ZNF354A: variants seen among roughly 807,000 people sequenced by gnomAD.
ZNF354A encodes the protein zinc finger protein 354A, also known as epididymis luminal protein 104.
A neutral mutation model predicts 53.3 loss-of-function variants in ZNF354A; 25 were observed. The ratio of observed to expected loss-of-function variants is 0.47; its 90% CI spans 0.34 to 0.66. The LOEUF (loss-of-function observed/expected upper bound fraction) is 0.66, where lower values mean the gene tolerates loss of function less well. Among genes scored for constraint, ZNF354A ranks in the 30% least tolerant of loss-of-function variants. The pLI is 0.01. For missense variants in ZNF354A, 586 were observed against 716.8 expected (o/e 0.82, Z 2.08); for synonymous variants, 228 against 249.0 (o/e 0.92, Z 0.79).
In ZNF354A at chr5:178,730,637, C is replaced by T. The variant is rs980374778; in HGVS notation, c.-133G>A. On this transcript the variant is annotated 5_prime_UTR_variant, in exon 1 of 5. Coordinates refer to ENST00000335815, the MANE Select transcript of ZNF354A (RefSeq NM_005649.3). ...GCCGGCCGGGATGCAGCCTCGCGAC[C>T]CGGCTCCGCCCCGACGGCGTCTGGG... The T allele has an allele frequency of 1.3e-5, 2 of 151,910 alleles. No homozygotes were observed. The highest frequency in any genetic ancestry group is 2.9e-5 in the Non-Finnish European group (2 of 67,966). 9.4% of individuals were successfully genotyped at this position (151,910 alleles called of 1,614,324 possible).
rs552808496 is a variant in ZNF354A at position 178,730,116 on chromosome 5, C to A, written c.-52+440G>T. On this transcript the variant is annotated intron_variant, in intron 1 of 4. Transcript: ENST00000335815. ...TCCTGACCTCGTGATCCACCCGCTT[C>A]GGCCTCCCAAAGTGCTGGGATTACA... Among the ~76,000 whole-genome samples, 4 of 151,656 alleles carry A rather than the reference C, an allele frequency of 2.6e-5. No homozygotes were observed. In the East Asian group the frequency reaches 7.9e-4, roughly 30 times the overall value.
chr5:178,722,060 T>C (rs1019099294), intron 4 of ZNF354A, among the ~76,000 whole-genome samples: 1 of 152,198 alleles, frequency 6.6e-6, no homozygotes, highest in East Asian at 1.9e-4. Context: ...TTGCCTCCAA[T>C]GTCACCTGCC....
intron 1 of ZNF354A, among the ~76,000 whole-genome samples, chr5:178,729,556 CTTT>C (rs113489869): frequency 2.7e-5 from 4 of 146,588 alleles, no homozygotes; most frequent in African/African-American, 5.0e-5. Context: ...CGGAAAACGG[CTTT>C]TTTTTTTTTG....
Position 178,725,358 on chromosome 5 carries a change from C to G in ZNF354A, c.256+18G>C. 1 of 1,612,136 alleles carries G rather than the reference C, an allele frequency of 6.2e-7. No individual in the cohort carries two copies. Among genetic ancestry groups the G allele is most frequent in the Non-Finnish European group, 8.5e-7 (1 of 1,179,074 alleles). On this transcript the variant is annotated intron_variant, in intron 4 of 4. Coordinates refer to ENST00000335815, the MANE Select transcript of ZNF354A (RefSeq NM_005649.3). ...ACCATTGTCTGCGGCCATTCCGCAC[C>G]TCGGGCCACCCACTTACCTAGAGAG...
Position 178,730,539 on chromosome 5 carries a change from C to T in ZNF354A, c.-52+17G>A, listed in dbSNP as rs77100497. 36,685 of 151,786 alleles carry T rather than the reference C, an allele frequency of 0.24. 5,121 individuals are homozygous for T. Among genetic ancestry groups the T allele is most frequent in the South Asian group, 0.35 (1,663 of 4,818 alleles). The allele number at this position is 151,786 out of a possible 1,614,324, so 9.4% of individuals were successfully genotyped here. On this transcript the variant is annotated intron_variant, in intron 1 of 4. Coordinates refer to ENST00000335815, the MANE Select transcript of ZNF354A (RefSeq NM_005649.3). Reference sequence around the variant, plus strand: ...GGGCGCCGCCTCCTACCGGCTTGGCCTGCCGCCGACGCTCACCTCCCTAAG... The same window carrying T: ...GGGCGCCGCCTCCTACCGGCTTGGCTTGCCGCCGACGCTCACCTCCCTAAG...
intron 4 of ZNF354A, among the ~76,000 whole-genome samples, chr5:178,723,996 T>C (rs536635518): frequency 6.6e-6 from 1 of 152,078 alleles, no homozygotes; most frequent in Non-Finnish European, 1.5e-5. Context: ...ATGGGCTCCC[T>C]GACCTCCCTT....
intron 4 of ZNF354A, among the ~76,000 whole-genome samples, chr5:178,720,141 CTT>C (rs1485526102): frequency 4.6e-5 from 7 of 152,074 alleles, no homozygotes; most frequent in Non-Finnish European, 8.8e-5. Flanking sequence ...TGTGGTAACT[CTT>C]ATTTTTAAAG....
intron 4 of ZNF354A, among the ~76,000 whole-genome samples, chr5:178,724,310 C>T (rs188127036): frequency 3.1e-4 from 47 of 151,898 alleles, no homozygotes; most frequent in Admixed American, 4.6e-4. Context: ...CTGCAACCTC[C>T]GCCTCCCGGG....
chr5:178,726,233 C>T (rs533528644), intron 3 of ZNF354A: 1 of 454,764 alleles, frequency 2.2e-6, no homozygotes, highest in Admixed American at 2.4e-5. Context: ...TGGCCCTGTG[C>T]AAAGAATGGT....
chr5:178,713,750 T>C, intron 4 of ZNF354A, 129 bp from the exon 5 acceptor site: 2 of 1,195,108 alleles, frequency 1.7e-6, no homozygotes, highest in Non-Finnish European at 2.2e-6. Context: ...ATGAAAAAAA[T>C]TGCAAAAAGA....
At chr5:178,715,247 G>T (rs1361660967) in intron 4 of ZNF354A, among the ~76,000 whole-genome samples, 3 of 152,212 alleles carry the variant, frequency 2.0e-5, no homozygotes, top group African/African-American at 7.2e-5. Context: ...ATTCCTGTAT[G>T]ACAGTCACTT....
chr5:178,721,963 T>C lies in ZNF354A; in HGVS notation c.256+3413A>G, dbSNP rs185636645. On this transcript the variant is annotated intron_variant, in intron 4 of 4. Transcript: ENST00000335815. ...TCCCTCAGCCCCCTCATCTAATCAA[T>C]TACCAAGACCTGTTTATTCTGCCAT... Among the ~76,000 whole-genome samples, 38 of 152,298 alleles carry C rather than the reference T, an allele frequency of 2.5e-4. No individual in the cohort carries two copies. In the East Asian group the frequency reaches 5.6e-3, roughly 22 times the overall value.
chr5:178,712,337 C>A lies in ZNF354A; in HGVS notation c.1541G>T (p.Arg514Ile). The change falls in exon 5 of 5, where the codon AGA (arginine) becomes ATA (isoleucine). Residue 514 changes from arginine (R) to isoleucine (I), a missense_variant. Around this residue, in one of 2 missense-constraint regions of ZNF354A, gnomAD observed 573 missense variants for 680.1 expected, o/e 0.84. Transcript: ENST00000335815. ...RCNSSLSNHQ[R>I]IHTGEKPYRC... The stretch of plus-strand genomic sequence containing the variant: ...ATATGGTTTCTCTCCAGTATGAATT[C>A]TCTGGTGATTACTAAGTGATGAGTT... The A allele has an allele frequency of 6.2e-7, 1 of 1,614,086 alleles. No individual in the cohort carries two copies. Among genetic ancestry groups the A allele is most frequent in the Non-Finnish European group, 8.5e-7 (1 of 1,179,990 alleles).
chr5:178,727,132 G>C lies in ZNF354A; in HGVS notation c.34-7C>G, dbSNP rs752372328. The C allele has an allele frequency of 6.2e-7, 1 of 1,610,698 alleles. No individual in the cohort carries two copies. The highest frequency in any genetic ancestry group is 1.1e-5 in the South Asian group (1 of 90,494). ...CCTCAAACGTCAGTGACACCTGTAA[G>C]GACAAGTCGTTCCAGCTCACCCAGG... On this transcript the variant is annotated splice_polypyrimidine_tract_variant and splice_region_variant and intron_variant, in intron 2 of 4. Transcript: ENST00000335815.
intron 3 of ZNF354A, 107 bp from the exon 4 acceptor site, chr5:178,725,578 C>T (rs1765890509): frequency 8.7e-7 from 1 of 1,153,630 alleles, no homozygotes; most frequent in Non-Finnish European, 1.3e-6. Context: ...CAAAGAGCTT[C>T]TGTGTAGGGC....
rs1168862079 is a variant in ZNF354A at position 178,729,644 on chromosome 5, T to G, written c.-51-571A>C. On this transcript the variant is annotated intron_variant, in intron 1 of 4. Coordinates refer to ENST00000335815, the MANE Select transcript of ZNF354A (RefSeq NM_005649.3). ...CAGGATCTCGGCTCACTGCAAGCTC[T>G]GCCTCCCGGGTTCAAGCCATTCTCC... Among the ~76,000 whole-genome samples the G allele has an allele frequency of 1.3e-5, 2 of 150,232 alleles. 1 individual carries two copies. Among genetic ancestry groups the G allele is most frequent in the South Asian group, 4.2e-4 (2 of 4,734 alleles).
rs760511203 is a variant in ZNF354A at position 178,725,437 on chromosome 5, C to T, written c.195G>A (p.Leu65=). Residue 65 remains leucine (L), a synonymous_variant, in exon 4 of 5, where the codon CTG becomes CTA. Transcript: ENST00000335815. Reference sequence around the variant, plus strand: ...CCCAGGGATCTTCTCCTTGCTGCAACAGGGAGATCACTTTTGGTTTGGTAA... The same window carrying T: ...CCCAGGGATCTTCTCCTTGCTGCAATAGGGAGATCACTTTTGGTTTGGTAA... ...LPFTKPKVIS[L]LQQGEDPWEV... The T allele has an allele frequency of 4.3e-6, 7 of 1,614,082 alleles. No individual in the cohort carries two copies. Among genetic ancestry groups the T allele is most frequent in the South Asian group, 1.1e-5 (1 of 91,090 alleles).
intron 4 of ZNF354A, among the ~76,000 whole-genome samples, chr5:178,715,614 T>TAAA (rs1765696292): frequency 6.6e-6 from 1 of 152,204 alleles, no homozygotes; most frequent in Admixed American, 6.5e-5. Context: ...AAGTGCTTTT[T>TAAA]CCCTGTGAAT....
chr5:178,714,590 A>G (rs10064752), intron 4 of ZNF354A, among the ~76,000 whole-genome samples: 2,264 of 152,210 alleles, frequency 0.015, 44 homozygotes, highest in African/African-American at 0.051. Flanking sequence ...AGAATGCCCT[A>G]TTTTCCTACA....
Sources: gnomAD v4.1 joint callset for allele counts (sites outside exome capture counted in the v4.1 genomes callset) on GRCh38, gnomAD v4.1.1 for gene constraint, gnomAD v4.1.1 regional missense constraint, MANE v1.5 for transcripts, NCBI Gene and HGNC (gene_info 2026-07-23, HGNC 2026-07-21) for gene names.